The following HIKESHI variants were observed in gnomAD, a reference collection of about 807,000 sequenced individuals.
The protein encoded by HIKESHI is protein Hikeshi.
Under a neutral mutation model 25.7 loss-of-function variants are expected in HIKESHI, and 13 were observed. The observed-to-expected ratio is 0.51, with a 90% CI of 0.33 to 0.80. The LOEUF is 0.80. Among genes scored for constraint, HIKESHI ranks in the 30% least tolerant of loss-of-function variants. The probability of loss-of-function intolerance (pLI) is 0.02; values close to 1 mark genes in which losing one functional copy is unlikely to be tolerated. For missense variants in HIKESHI, 174 were observed against 229.5 expected (o/e 0.76, Z 1.56); for synonymous variants, 76 against 78.7 (o/e 0.97, Z 0.18).
At chr11:86,315,508 T>C (rs1197311888) in intron 2 of HIKESHI, among the ~76,000 whole-genome samples, 1 of 151,766 alleles carries the variant, frequency 6.6e-6, no homozygotes, top group African/African-American at 2.4e-5. Context: ...TTTAGTAGAG[T>C]CGGGGTTTCA....
chr11:86,319,272 C>T (rs1209432183), intron 2 of HIKESHI, among the ~76,000 whole-genome samples: 89 of 134,842 alleles, frequency 6.6e-4, no homozygotes, highest in African/African-American at 2.3e-3. Context: ...CAGTCTCACT[C>T]TGTGGCCCAG....
rs144405206 is a variant in HIKESHI at position 86,337,421 on chromosome 11, G to A, written c.311G>A (p.Arg104Gln). Residue 104 changes from arginine to glutamine, a missense_variant, in exon 3 of 5, where the codon CGA becomes CAA. Coordinates refer to ENST00000278483, the MANE Select transcript of HIKESHI (RefSeq NM_016401.4). ...CCTTTTGGAGCCATGAATATTGTCC[G>A]AACTCCATCTGTTGCTCAGATTGGA... Reference protein sequence around the residue: ...QHPFGAMNIVRTPSVAQIGIS... With the variant: ...QHPFGAMNIVQTPSVAQIGIS... The A allele has an allele frequency of 7.7e-4, 1,241 of 1,613,770 alleles. No individual in the cohort carries two copies. The highest frequency in any genetic ancestry group is 9.7e-4 in the Non-Finnish European group (1,146 of 1,179,910).
At chr11:86,317,049 C>T (rs1947006249) in intron 2 of HIKESHI, among the ~76,000 whole-genome samples, 2 of 151,964 alleles carry the variant, frequency 1.3e-5, no homozygotes, top group East Asian at 3.9e-4. Context: ...GTCTTGGCCT[C>T]CCAAAGTGCT....
chr11:86,335,553 T>C (rs1947532758), intron 2 of HIKESHI, among the ~76,000 whole-genome samples: 1 of 152,140 alleles, frequency 6.6e-6, no homozygotes, highest in Non-Finnish European at 1.5e-5. Context: ...AAGTGAAGAC[T>C]AAGGTGGAGT....
At chr11:86,308,414 A>G (rs1304825634) in intron 2 of HIKESHI, among the ~76,000 whole-genome samples, 2 of 145,494 alleles carry the variant, frequency 1.4e-5, no homozygotes, top group Admixed American at 7.2e-5. Context: ...TACACGTGCT[A>G]AGTGAGAAGA....
intron 2 of HIKESHI, among the ~76,000 whole-genome samples, chr11:86,307,382 A>ATAT (rs1946663588): frequency 2.6e-5 from 1 of 38,048 alleles, no homozygotes; most frequent in Non-Finnish European, 4.9e-5. Context: ...ATTATATATC[A>ATAT]ATATATTATG....
chr11:86,309,125 G>C (rs1397013850), intron 2 of HIKESHI, among the ~76,000 whole-genome samples: 2 of 152,094 alleles, frequency 1.3e-5, no homozygotes, highest in Non-Finnish European at 2.9e-5. Flanking sequence ...TCTAGTTCTA[G>C]ATCCTTGAGG....
rs193265159 is a variant in HIKESHI at position 86,345,910 on chromosome 11, A to T, written c.*272A>T. On this transcript the variant is annotated 3_prime_UTR_variant, in exon 5 of 5. Transcript: ENST00000278483. ...TATGATTCATTTTTTTTACTTAAAA[A>T]TAAAACCTATACCAAACAGTAGTGT... is the stretch of plus-strand genomic sequence containing the variant. The T allele has an allele frequency of 4.4e-6, 1 of 226,162 alleles. No individual in the cohort carries two copies. Among genetic ancestry groups the T allele is most frequent in the Admixed American group, 5.5e-5 (1 of 18,194 alleles). The allele number at this position is 226,162 out of a possible 1,614,324, so 14.0% of individuals were successfully genotyped here. A position where few individuals can be genotyped will look rare whatever the true frequency, so the allele number is the denominator to read the frequency against.
intron 2 of HIKESHI, among the ~76,000 whole-genome samples, chr11:86,321,255 T>C (rs969874809): frequency 2.6e-5 from 4 of 152,034 alleles, no homozygotes; most frequent in African/African-American, 9.7e-5. Flanking sequence ...TTTTATATGG[T>C]GTTCATTCCT....
intron 2 of HIKESHI, among the ~76,000 whole-genome samples, chr11:86,309,747 A>T (rs915782186): frequency 2.0e-5 from 3 of 152,152 alleles, no homozygotes; most frequent in Non-Finnish European, 4.4e-5. Context: ...TAATTTTTGT[A>T]TAAGGTATAA....
chr11:86,316,879 C>T (rs938498736), intron 2 of HIKESHI, among the ~76,000 whole-genome samples: 1 of 139,110 alleles, frequency 7.2e-6, no homozygotes, highest in Non-Finnish European at 1.5e-5. Flanking sequence ...TTGCAAGCTC[C>T]ACCTCCTGGG....
At chr11:86,318,298 C>T (rs1346803841) in intron 2 of HIKESHI, among the ~76,000 whole-genome samples, 15 of 17,838 alleles carry the variant, frequency 8.4e-4, no homozygotes, top group East Asian at 4.5e-3. Context: ...AGCAAGACTC[C>T]GTCTCAAAAA....
rs574890467 is a variant in HIKESHI, at chr11:86,329,400, T to A, written c.269-7979T>A. The stretch of plus-strand genomic sequence containing the variant: ...TGTTGCTAGTATTATAGAAGTACAA[T>A]TGATTTTTGTATGGCTTTGTATCCT... On this transcript the variant is annotated intron_variant, in intron 2 of 4. Coordinates refer to ENST00000278483, the MANE Select transcript of HIKESHI (RefSeq NM_016401.4). Among the ~76,000 whole-genome samples, 3 of 152,262 alleles carry A rather than the reference T, an allele frequency of 2.0e-5. No homozygotes were observed. The East Asian group carries it at 5.8e-4, about 29-fold the overall frequency.
chr11:86,325,948 T>C (rs1245061647), intron 2 of HIKESHI, among the ~76,000 whole-genome samples: 2 of 151,956 alleles, frequency 1.3e-5, no homozygotes, highest in African/African-American at 4.8e-5. Flanking sequence ...AAGAGGTTCC[T>C]TACAGTTTTG....
At chr11:86,344,856 A>G in intron 4 of HIKESHI, 135 bp downstream of exon 4, 1 of 665,212 alleles carries the variant, frequency 1.5e-6, no homozygotes, top group Non-Finnish European at 2.6e-6. Context: ...CCATTAAAGT[A>G]TGTACTATAG....
At chr11:86,314,849 C>T (rs1030096117) in intron 2 of HIKESHI, among the ~76,000 whole-genome samples, 1 of 152,146 alleles carries the variant, frequency 6.6e-6, no homozygotes, top group African/African-American at 2.4e-5. Context: ...ACCTGGGAAT[C>T]TGTTAGAAAT....
intron 2 of HIKESHI, chr11:86,324,453 T>A (rs1237884116): frequency 6.6e-6 from 1 of 152,212 alleles, no homozygotes; most frequent in Non-Finnish European, 1.5e-5. Context: ...ATAAAGCAAC[T>A]TAATATATTT....
rs1947855805 is a variant in HIKESHI, at chr11:86,345,779, T to G, written c.*141T>G. 1 of 409,248 alleles carries G rather than the reference T, an allele frequency of 2.4e-6. No homozygotes were observed. The highest frequency in any genetic ancestry group is 2.1e-5 in the African/African-American group (1 of 48,510). The allele number at this position is 409,248 out of a possible 1,614,324, so 25.4% of individuals were successfully genotyped here. A position where few individuals can be genotyped will look rare whatever the true frequency, so the allele number is the denominator to read the frequency against. Reference sequence around the variant, plus strand: ...GAGACTGAAGCTTAATTAAAAATCTTTATTAAAAATTAAAAACATTGAAAA... The same window carrying G: ...GAGACTGAAGCTTAATTAAAAATCTGTATTAAAAATTAAAAACATTGAAAA... On this transcript the variant is annotated 3_prime_UTR_variant, in exon 5 of 5. Coordinates refer to ENST00000278483, the MANE Select transcript of HIKESHI (RefSeq NM_016401.4).
At chr11:86,339,884 A>G (rs969659317) in intron 3 of HIKESHI, among the ~76,000 whole-genome samples, 11 of 152,016 alleles carry the variant, frequency 7.2e-5, no homozygotes, top group African/African-American at 2.7e-4. Context: ...TCCTAATGCT[A>G]TCCTTCCCCC....
Sources: gnomAD v4.1 joint callset for allele counts (sites outside exome capture counted in the v4.1 genomes callset) on GRCh38, gnomAD v4.1.1 for gene constraint, MANE v1.5 for transcripts, NCBI Gene and HGNC (gene_info 2026-07-23, HGNC 2026-07-21) for gene names.